The following ADK variants were observed in gnomAD, a reference collection of about 807,000 sequenced individuals.
The protein encoded by ADK is N6,N6-dimethyladenosine kinase.
In ADK, 24 loss-of-function variants were observed where a neutral mutation model predicts 44.7. The observed-to-expected ratio is 0.54, with a 90% CI of 0.39 to 0.76. The LOEUF is 0.76. ADK is among the 30% of genes least tolerant of loss of function. ADK has a pLI of 0.00. For missense variants in ADK, 321 were observed against 425.1 expected, an observed-to-expected ratio of 0.76 and a Z score of 2.15; for synonymous variants, 128 against 142.6, an observed-to-expected ratio of 0.90 and a Z score of 0.73.
intron 4 of ADK, among the ~76,000 whole-genome samples, chr10:74,368,662 C>T (rs1842568127): frequency 6.6e-6 from 1 of 151,542 alleles, no homozygotes. Context: ...CAGAGTCTCA[C>T]TTTGTTGCCC....
At chr10:74,524,217 T>C (rs1042281837) in intron 6 of ADK, among the ~76,000 whole-genome samples, 14 of 152,202 alleles carry the variant, frequency 9.2e-5, no homozygotes, top group African/African-American at 3.1e-4. Flanking sequence ...ATAAATAGCA[T>C]TTTAAATGCA....
In ADK at chr10:74,634,109, T is replaced by C. The variant is rs1853536140; in HGVS notation, c.877+33616T>C. ...ATTGCTGGGGTGCAGAGTTTGGAAT[T>C]TCATTCTAGCCAAGTTTACTTGTCT... On this transcript the variant is annotated intron_variant, in intron 9 of 10. Coordinates refer to ENST00000539909, the MANE Select transcript of ADK (RefSeq NM_006721.4). 2.0e-5 allele frequency among the ~76,000 whole-genome samples: 3 copies of C among 152,230 alleles called. No homozygotes were observed. The South Asian group carries it at 6.2e-4, about 31-fold the overall frequency.
intron 6 of ADK, among the ~76,000 whole-genome samples, chr10:74,444,275 C>A (rs1262846291): frequency 6.6e-6 from 1 of 152,068 alleles, no homozygotes; most frequent in Non-Finnish European, 1.5e-5. Context: ...AAACCCAGTA[C>A]CTGCAGCGAG....
intron 10 of ADK, among the ~76,000 whole-genome samples, chr10:74,693,951 C>T (rs1457047448): frequency 1.3e-5 from 2 of 152,084 alleles, no homozygotes; most frequent in Non-Finnish European, 2.9e-5. Flanking sequence ...CATCACTTAG[C>T]TGAAACTCTT....
chr10:74,350,179 CAGCAAA>C (rs1187857932), intron 4 of ADK, among the ~76,000 whole-genome samples: 2 of 152,146 alleles, frequency 1.3e-5, no homozygotes, highest in Non-Finnish European at 2.9e-5. Flanking sequence ...AAACACTCCT[CAGCAAA>C]TGCAAAAGAA....
chr10:74,606,285 T>G (rs1712845231), intron 9 of ADK, among the ~76,000 whole-genome samples: 1 of 152,194 alleles, frequency 6.6e-6, no homozygotes, highest in Admixed American at 6.5e-5. Flanking sequence ...TCTGCTAGCT[T>G]TTGAATGTGT....
rs56168944 is a variant in ADK at position 74,619,012 on chromosome 10, TTGTGTGTGTGTG to T, written c.877+18555_877+18566del. On this transcript the variant is annotated intron_variant, in intron 9 of 10. Coordinates refer to ENST00000539909, the MANE Select transcript of ADK (RefSeq NM_006721.4). ...GTATCCCATATGCCTTTTATGCTCT[TTGTGTGTGTGTG>T]TGTGTGTGTGTGTGTGTGTGTGTGT... Among the ~76,000 whole-genome samples the T allele has an allele frequency of 1.6e-3, 217 of 139,446 alleles. No individual in the cohort carries two copies. In the South Asian group the frequency reaches 0.017, roughly 11 times the overall value. The allele number at this position is 139,446 out of a possible 152,430, so 91.5% of individuals were successfully genotyped here.
intron 6 of ADK, among the ~76,000 whole-genome samples, chr10:74,511,143 G>A (rs1848304694): frequency 6.6e-6 from 1 of 152,084 alleles, no homozygotes; most frequent in Non-Finnish European, 1.5e-5. Flanking sequence ...ACAATTCTTG[G>A]CACTTTTGTC....
intron 10 of ADK, among the ~76,000 whole-genome samples, chr10:74,704,681 G>A (rs1234334848): frequency 6.6e-6 from 1 of 152,186 alleles, no homozygotes; most frequent in Non-Finnish European, 1.5e-5. Flanking sequence ...GAAAAAGGAT[G>A]CTGGTGGTTT....
At chr10:74,704,677 G>T (rs1274609779) in intron 10 of ADK, among the ~76,000 whole-genome samples, 1 of 152,286 alleles carries the variant, frequency 6.6e-6, no homozygotes, top group Admixed American at 6.5e-5. Flanking sequence ...CTTAGAAAAA[G>T]GATGCTGGTG....
chr10:74,285,253 T>C (rs989974705), intron 3 of ADK, among the ~76,000 whole-genome samples: 3 of 152,132 alleles, frequency 2.0e-5, no homozygotes, highest in Non-Finnish European at 4.4e-5. Context: ...GAGAAGATGA[T>C]GTATTAAGCT....
rs530631417 is a variant in ADK, at chr10:74,412,269, A to G, written c.555+13690A>G. On this transcript the variant is annotated intron_variant, in intron 6 of 10. Transcript: ENST00000539909. ...ACAATCACTGCACATTGCAGTCTCAATCTCCCAGGCAAGCTCAAGCAATCC... is the reference window on the plus strand; with the variant it reads ...ACAATCACTGCACATTGCAGTCTCAGTCTCCCAGGCAAGCTCAAGCAATCC... Among the ~76,000 whole-genome samples, 6 of 152,136 alleles carry G rather than the reference A, an allele frequency of 3.9e-5. No homozygotes were observed. The South Asian group carries it at 8.3e-4, about 21-fold the overall frequency.
intron 6 of ADK, among the ~76,000 whole-genome samples, chr10:74,407,162 C>T (rs1398567913): frequency 6.6e-6 from 1 of 151,888 alleles, no homozygotes; most frequent in Non-Finnish European, 1.5e-5. Flanking sequence ...TGCTGTGTTG[C>T]TCAGGCTGGT....
intron 6 of ADK, among the ~76,000 whole-genome samples, chr10:74,520,341 G>A (rs1445595885): frequency 1.3e-5 from 2 of 150,240 alleles, no homozygotes; most frequent in East Asian, 3.9e-4. Flanking sequence ...ATATCACCAT[G>A]TATCCACAGT....
chr10:74,348,425 C>A (rs987605937), intron 4 of ADK, among the ~76,000 whole-genome samples: 12 of 152,044 alleles, frequency 7.9e-5, no homozygotes, highest in Non-Finnish European at 1.3e-4. Context: ...AAAACCCCAT[C>A]CAAAGGTCAT....
intron 6 of ADK, among the ~76,000 whole-genome samples, chr10:74,443,660 G>C (rs575602959): frequency 1.3e-5 from 2 of 152,046 alleles, no homozygotes; most frequent in African/African-American, 4.8e-5. Context: ...TAAAAATCAC[G>C]AATTGTATGC....
At chr10:74,356,004 T>TTG (rs1842128326) in intron 4 of ADK, among the ~76,000 whole-genome samples, 1 of 2,756 alleles carries the variant, frequency 3.6e-4, no homozygotes, top group African/African-American at 7.9e-4. Flanking sequence ...AATAATTCAT[T>TTG]TTTTTTTTTT....
At chr10:74,517,157 G>A (rs779511160) in intron 6 of ADK, among the ~76,000 whole-genome samples, 10 of 152,096 alleles carry the variant, frequency 6.6e-5, no homozygotes, top group African/African-American at 1.9e-4. Context: ...CCATATCAGT[G>A]TGCATTCACC....
chr10:74,680,317 GAAAAAA>G (rs35798713), intron 10 of ADK, among the ~76,000 whole-genome samples: 1 of 138,044 alleles, frequency 7.2e-6, no homozygotes, highest in Non-Finnish European at 1.6e-5. Flanking sequence ...TCCATCTCAA[GAAAAAA>G]AAAAAAAAAA....
Sources: gnomAD v4.1 joint callset for allele counts (sites outside exome capture counted in the v4.1 genomes callset) on GRCh38, gnomAD v4.1.1 for gene constraint, MANE v1.5 for transcripts, NCBI Gene and HGNC (gene_info 2026-07-23, HGNC 2026-07-21) for gene names.